ZNF638: variants seen among roughly 807,000 people sequenced by gnomAD.
ZNF638 encodes the protein CTCL tumor antigen se33-1.
In ZNF638, 46 loss-of-function variants were observed where a neutral mutation model predicts 195.6. That is an observed-to-expected ratio of 0.24 (90% CI 0.19 to 0.30). The LOEUF is 0.30. Ranked by LOEUF, ZNF638 falls within the 10% of genes least tolerant of loss-of-function variation. ZNF638 has a pLI of 1.00. For synonymous variants in ZNF638, 845 were observed against 772.0 expected, an observed-to-expected ratio of 1.09 and a Z score of -1.57; for missense variants, 2,440 against 2,325.3, an observed-to-expected ratio of 1.05 and a Z score of -1.01.
At chr2:71,365,816 C>A in intron 6 of ZNF638, 110 bp downstream of exon 6, 2 of 1,054,264 alleles carry the variant, frequency 1.9e-6, no homozygotes, top group Non-Finnish European at 2.7e-6. Flanking sequence ...ATCTCCTGGG[C>A]TCAAGTGATC....
intron 1 of ZNF638, among the ~76,000 whole-genome samples, chr2:71,345,921 T>G (rs1471587089): frequency 6.6e-6 from 1 of 152,236 alleles, no homozygotes; most frequent in Non-Finnish European, 1.5e-5. Flanking sequence ...ACTCTTAGAG[T>G]ACTCTAGTAT....
In ZNF638 at chr2:71,427,148, ACT is replaced by A. The variant is rs1368950174; in HGVS notation, c.5284_5285del (p.Leu1762GlyfsTer4). ...GATGAAGTAACTGAAGAGGATGAAGACTCTCTGGCGGATTTTAACAACCTTAA... is the reference window on the plus strand; with the variant it reads ...GATGAAGTAACTGAAGAGGATGAAGACTCTGGCGGATTTTAACAACCTTAA... On this transcript the variant is annotated frameshift_variant, in exon 24 of 28. Transcript: ENST00000264447. LOFTEE classifies it high-confidence loss of function. 1.2e-6 allele frequency: 2 copies of A among 1,613,114 alleles called. No individual in the cohort carries two copies. Among genetic ancestry groups the A allele is most frequent in the Non-Finnish European group, 8.5e-7 (1 of 1,179,756 alleles).
chr2:71,349,091 G>T lies in ZNF638; in HGVS notation c.137G>T (p.Gly46Val). The T allele has an allele frequency of 6.2e-7, 1 of 1,614,168 alleles. No homozygotes were observed. The highest frequency in any genetic ancestry group is 1.1e-5 in the South Asian group (1 of 91,078). ...GGTCTCCCAAGATTTTACCCAGCAG[G>T]GAGAGCACGTGGAATTCCACACAGA... The part of the protein sequence containing the change: ...SMGLPRFYPA[G>V]RARGIPHRFA... Residue 46 changes from glycine to valine, a missense_variant, in exon 2 of 28, where the codon GGG becomes GTG. Around this residue, in one of 5 missense-constraint regions of ZNF638, gnomAD observed 191 missense variants for 173.8 expected, o/e 1.10. Transcript: ENST00000264447.
At chr2:71,391,544 T>G (rs985812759) in intron 10 of ZNF638, among the ~76,000 whole-genome samples, 11 of 152,232 alleles carry the variant, frequency 7.2e-5, no homozygotes, top group Non-Finnish European at 1.6e-4. Context: ...CTTTTGAGTT[T>G]ATATGCCTCT....
rs148370960 is a variant in ZNF638 at position 71,399,574 on chromosome 2, A to G, written c.2516A>G (p.Lys839Arg). The G allele has an allele frequency of 3.7e-4, 591 of 1,612,380 alleles. 2 individuals carry two copies. Among genetic ancestry groups the G allele is most frequent in the Middle Eastern group, 2.0e-3 (12 of 6,040 alleles). ...ASIKTAKSGG[K>R]KSLEAKKTGN... ...CTTTTACAAGCAAAATCTGGTGGAA[A>G]GAAGTCTCTAGAAGCCAAAAAGACT... Residue 839 changes from lysine (K) to arginine (R), a missense_variant, in exon 13 of 28, where the codon AAG (lysine) becomes AGG (arginine). By Grantham distance (26) the Lys-to-Arg change is conservative. This residue lies in a region of ZNF638 where 1,883 missense variants were observed against 1,739.1 expected (regional missense o/e 1.08). Transcript: ENST00000264447.
In ZNF638 at chr2:71,401,855, A is replaced by C. The variant is rs563682270; in HGVS notation, c.2698-101A>C. The C allele has an allele frequency of 6.0e-4, 638 of 1,057,010 alleles. 2 individuals are homozygous for C. Among genetic ancestry groups the C allele is most frequent in the Non-Finnish European group, 7.2e-4 (552 of 766,876 alleles). 65.5% of individuals were successfully genotyped at this position (1,057,010 alleles called of 1,614,324 possible). A position where few individuals can be genotyped will look rare whatever the true frequency, so the allele number is the denominator to read the frequency against. The stretch of plus-strand genomic sequence containing the variant: ...AGTTTATCAGACTTTCCTCAGTATT[A>C]AATGCAACAATATACTAATATAACA... On this transcript the variant is annotated intron_variant, in intron 15 of 27. Coordinates refer to ENST00000264447, the MANE Select transcript of ZNF638 (RefSeq NM_014497.5).
chr2:71,403,854 A>C lies in ZNF638; in HGVS notation c.2830-16A>C. On this transcript the variant is annotated splice_polypyrimidine_tract_variant and intron_variant, in intron 16 of 27. Transcript: ENST00000264447. ...ACATAAGATTTTTCTTGTTACCTTAATTTCTGTTTTAAAAGGCATATATAG... is the reference window on the plus strand; with the variant it reads ...ACATAAGATTTTTCTTGTTACCTTACTTTCTGTTTTAAAAGGCATATATAG... 6.7e-7 allele frequency: 1 copy of C among 1,499,478 alleles called. No individual in the cohort carries two copies. Among genetic ancestry groups the C allele is most frequent in the East Asian group, 2.3e-5 (1 of 42,724 alleles). The allele number at this position is 1,499,478 out of a possible 1,614,324, so 92.9% of individuals were successfully genotyped here. A position where few individuals can be genotyped will look rare whatever the true frequency, so the allele number is the denominator to read the frequency against.
At chr2:71,388,826 A>AAAT in intron 10 of ZNF638, 1 of 721,478 alleles carries the variant, frequency 1.4e-6, no homozygotes, top group Non-Finnish European at 2.5e-6. Flanking sequence ...AACAGTATAT[A>AAAT]AAAGTATTGA....
intron 1 of ZNF638, among the ~76,000 whole-genome samples, chr2:71,337,635 AGCTCAAGCATTCCACCT>A (rs2078693037): frequency 8.0e-6 from 1 of 124,316 alleles, no homozygotes; most frequent in African/African-American, 2.8e-5. Flanking sequence ...CGAACTCCTG[AGCTCAAGCATTCCACCT>A]GTCTCGGCCT....
At chr2:71,406,586 G>A (rs1416493373) in intron 19 of ZNF638, among the ~76,000 whole-genome samples, 1 of 152,096 alleles carries the variant, frequency 6.6e-6, no homozygotes, top group African/African-American at 2.4e-5. Context: ...TGTGGTCTTG[G>A]CTAAGTTGGT....
At chr2:71,417,754 A>T (rs1228105799) in intron 20 of ZNF638, among the ~76,000 whole-genome samples, 3 of 151,274 alleles carry the variant, frequency 2.0e-5, no homozygotes, top group Non-Finnish European at 2.9e-5. Context: ...CATCATCTTT[A>T]GTTTTGGGCA....
At position 71,420,640 on chromosome 2, in the gene ZNF638, A is replaced by G. The variant is rs192609191; in HGVS notation, c.3299+2001A>G. On this transcript the variant is annotated intron_variant, in intron 21 of 27. Coordinates refer to ENST00000264447, the MANE Select transcript of ZNF638 (RefSeq NM_014497.5). Reference sequence around the variant, plus strand: ...TGGAGGGAGGAGTGGCAAATGAGATATCTGTATCTCAAATGCCTTTCTGGA... The same window carrying G: ...TGGAGGGAGGAGTGGCAAATGAGATGTCTGTATCTCAAATGCCTTTCTGGA... Among the ~76,000 whole-genome samples the G allele has an allele frequency of 4.6e-5, 7 of 152,304 alleles. No homozygotes were observed. In the East Asian group the frequency reaches 1.2e-3, roughly 25 times the overall value.
intron 20 of ZNF638, 147 bp downstream of exon 20, chr2:71,408,394 A>T (rs949948434): frequency 6.6e-5 from 67 of 1,017,538 alleles, no homozygotes; most frequent in Admixed American, 3.4e-5. Flanking sequence ...TTCATAGTTT[A>T]TAAAGCAGTA....
chr2:71,384,130 A>G (rs1344316911), intron 10 of ZNF638, among the ~76,000 whole-genome samples: 3 of 152,116 alleles, frequency 2.0e-5, no homozygotes, highest in Non-Finnish European at 2.9e-5. Flanking sequence ...TGGCGGATCC[A>G]TATTAGTTTT....
chr2:71,427,209 T>C lies in ZNF638; in HGVS notation c.5340T>C (p.Val1780=). The change falls in exon 24 of 28, where the codon GTT becomes GTC. Residue 1780 remains valine (V), a synonymous_variant. Transcript: ENST00000264447. ...EELNFVTVDE[V]GEEEDGDNDL... Reference sequence around the variant, plus strand: ...TTAATTTTGTTACTGTTGATGAAGTTGGAGAGGAGGAAGATGGAGATAATG... The same window carrying C: ...TTAATTTTGTTACTGTTGATGAAGTCGGAGAGGAGGAAGATGGAGATAATG... 1 of 1,612,320 alleles carries C rather than the reference T, an allele frequency of 6.2e-7. No homozygotes were observed. The highest frequency in any genetic ancestry group is 1.7e-4 in the Middle Eastern group (1 of 6,044).
intron 25 of ZNF638, chr2:71,431,029 A>G (rs111733369): frequency 1.3e-5 from 3 of 230,966 alleles, no homozygotes; most frequent in African/African-American, 2.3e-5. Flanking sequence ...CTTTGCATAT[A>G]TAAGTTCTCT....
intron 10 of ZNF638, chr2:71,381,005 C>G (rs1394297814): frequency 6.5e-6 from 1 of 152,736 alleles, no homozygotes; most frequent in African/African-American, 2.4e-5. Flanking sequence ...CTATCATACT[C>G]ATGTACTAAA....
chr2:71,375,267 A>T (rs1275451425), intron 8 of ZNF638: 1 of 152,204 alleles, frequency 6.6e-6, no homozygotes, highest in Non-Finnish European at 1.5e-5. Flanking sequence ...AAACCTCACT[A>T]GTGGATTGTT....
At chr2:71,398,134 T>A (rs1339923181) in intron 11 of ZNF638, among the ~76,000 whole-genome samples, 1 of 152,176 alleles carries the variant, frequency 6.6e-6, no homozygotes, top group Non-Finnish European at 1.5e-5. Context: ...CTATTTTAAG[T>A]ACAGGTTGAG....
Sources: gnomAD v4.1 joint callset for allele counts (sites outside exome capture counted in the v4.1 genomes callset) on GRCh38, gnomAD v4.1.1 for gene constraint, gnomAD v4.1.1 regional missense constraint, MANE v1.5 for transcripts, NCBI Gene and HGNC (gene_info 2026-07-23, HGNC 2026-07-21) for gene names.